HGSNAT: variants seen among roughly 807,000 people sequenced by gnomAD.
HGSNAT encodes heparan-alpha-glucosaminide N-acetyltransferase.
HGSNAT carries 59 observed loss-of-function variants against 85.2 expected under a neutral mutation model. That is an observed-to-expected ratio of 0.69 (90% confidence interval 0.56 to 0.86). The LOEUF is 0.86. HGSNAT is among the 40% of genes least tolerant of loss of function. The probability of loss-of-function intolerance (pLI) is 0.00; values close to 1 mark genes in which losing one functional copy is unlikely to be tolerated. For synonymous variants in HGSNAT, 321 were observed against 304.5 expected (o/e 1.05, Z -0.56); for missense variants, 756 against 777.1 (o/e 0.97, Z 0.32).
intron 11 of HGSNAT, 44 bp from the exon 12 acceptor site, chr8:43,191,430 T>C: frequency 6.3e-7 from 1 of 1,598,330 alleles, no homozygotes; most frequent in Non-Finnish European, 8.6e-7. Context: ...TCCCTTCTAT[T>C]TGCATTTAGT....
rs545919735 is a variant in HGSNAT, at chr8:43,141,288, A to AGCC, written c.118+696_118+698dup. ...CGTTTTCCCTCCAGGGTGACTGGGA[A>AGCC]GCCGCCGCCGCCGCCGCCGCCGCCT... On this transcript the variant is annotated intron_variant, in intron 1 of 17. Transcript: ENST00000379644. Among the ~76,000 whole-genome samples the AGCC allele has an allele frequency of 5.9e-3, 895 of 151,826 alleles. 13 individuals are homozygous for AGCC. In the East Asian group the frequency reaches 0.068, roughly 12 times the overall value.
Position 43,197,866 on chromosome 8 carries a change from G to A in HGSNAT, c.1640G>A (p.Ser547Asn), listed in dbSNP as rs1804778779. The A allele has an allele frequency of 6.2e-7, 1 of 1,613,918 alleles. No individual in the cohort carries two copies. Among genetic ancestry groups the A allele is most frequent in the South Asian group, 1.1e-5 (1 of 91,078 alleles). Residue 547 changes from serine to asparagine, a missense_variant, in exon 17 of 18, where the codon AGT (serine) becomes AAT (asparagine). By Grantham distance (46) the Ser-to-Asn change is conservative (BLOSUM62 1). Transcript: ENST00000379644. Reference protein sequence around the residue: ...LWSLSYVTTLSSFAFFILLVL... With the variant: ...LWSLSYVTTLNSFAFFILLVL... The stretch of plus-strand genomic sequence containing the variant: ...TCCCTTTCGTATGTCACTACGCTCA[G>A]TTCTTTTGCCTTCTTCATCCTGCTG...
intron 17 of HGSNAT, among the ~76,000 whole-genome samples, chr8:43,198,497 T>C (rs533787152): frequency 1.7e-3 from 263 of 152,100 alleles, no homozygotes; most frequent in East Asian, 5.1e-3. Flanking sequence ...CAGTGTTAGC[T>C]AGGATGGTCT....
intron 2 of HGSNAT, among the ~76,000 whole-genome samples, chr8:43,150,583 C>T (rs1156846417): frequency 1.3e-5 from 2 of 152,070 alleles, no homozygotes; most frequent in Non-Finnish European, 2.9e-5. Context: ...CCTGTAATCC[C>T]AGCACTCTGG....
chr8:43,141,919 A>G (rs1802563019), intron 1 of HGSNAT, among the ~76,000 whole-genome samples: 1 of 152,122 alleles, frequency 6.6e-6, no homozygotes, highest in Non-Finnish European at 1.5e-5. Context: ...TTTTAGAGAG[A>G]GGTGGTTTGT....
chr8:43,174,613 A>AT (rs199561900), intron 9 of HGSNAT, among the ~76,000 whole-genome samples: 3,621 of 152,078 alleles, frequency 0.024, 142 homozygotes, highest in African/African-American at 0.081. Context: ...TATTATTGTT[A>AT]TTTTTTATTT....
At chr8:43,191,214 C>T (rs1266318229) in intron 11 of HGSNAT, among the ~76,000 whole-genome samples, 1 of 152,126 alleles carries the variant, frequency 6.6e-6, no homozygotes, top group Admixed American at 6.6e-5. Context: ...TGTATGTGTA[C>T]AAGTTTTTGT....
intron 9 of HGSNAT, 121 bp downstream of exon 9, chr8:43,173,864 A>G: frequency 2.9e-6 from 3 of 1,037,056 alleles, no homozygotes; most frequent in Non-Finnish European, 4.3e-6. Context: ...AGTCCTTCCA[A>G]AAGTCCTGTT....
chr8:43,191,216 A>C (rs1196431751), intron 11 of HGSNAT, among the ~76,000 whole-genome samples: 1 of 152,168 alleles, frequency 6.6e-6, no homozygotes, highest in East Asian at 1.9e-4. Context: ...TATGTGTACA[A>C]GTTTTTGTGT....
chr8:43,158,525 C>G lies in HGSNAT; in HGVS notation c.235-50C>G, dbSNP rs1457058033. The G allele has an allele frequency of 1.9e-6, 3 of 1,607,108 alleles. No homozygotes were observed. The African/African-American group carries it at 4.0e-5, about 21-fold the overall frequency. ...GATATTTATGTCCTCCAGCAATCAA[C>G]AGATGTTGAAAAACCTCTGGCGGTT... On this transcript the variant is annotated intron_variant, in intron 2 of 17. Transcript: ENST00000379644.
intron 2 of HGSNAT, among the ~76,000 whole-genome samples, chr8:43,149,125 A>ATAAG (rs1425800358): frequency 6.6e-6 from 1 of 151,170 alleles, no homozygotes; most frequent in African/African-American, 2.4e-5. Context: ...CAAAAAATAA[A>ATAAG]TAAATAAATA....
At chr8:43,157,784 A>G (rs1161595431) in intron 2 of HGSNAT, among the ~76,000 whole-genome samples, 1 of 152,106 alleles carries the variant, frequency 6.6e-6, no homozygotes. Context: ...TCTCAAAACA[A>G]AAATAAAACA....
chr8:43,170,781 C>A, intron 7 of HGSNAT, 87 bp downstream of exon 7: 1 of 783,620 alleles, frequency 1.3e-6, no homozygotes, highest in Non-Finnish European at 2.0e-6. Context: ...CTTTTAAGGA[C>A]TTTTACATAT....
intron 1 of HGSNAT, 91 bp from the exon 2 acceptor site, chr8:43,146,857 G>T: frequency 1.4e-6 from 1 of 703,940 alleles, no homozygotes. Context: ...AGCACTACTG[G>T]AAGCAACTGT....
At chr8:43,194,355 A>C in intron 14 of HGSNAT, 1 of 969,454 alleles carries the variant, frequency 1.0e-6, no homozygotes, top group Non-Finnish European at 1.2e-6. Flanking sequence ...CCTTGATTGC[A>C]CCACTGCACT....
intron 2 of HGSNAT, among the ~76,000 whole-genome samples, chr8:43,155,632 A>G (rs1013715185): frequency 6.6e-6 from 1 of 152,096 alleles, no homozygotes; most frequent in Non-Finnish European, 1.5e-5. Context: ...TGCTTCTGTT[A>G]CCTATGCACC....
intron 2 of HGSNAT, among the ~76,000 whole-genome samples, chr8:43,153,434 C>A (rs992773983): frequency 1.3e-5 from 2 of 151,750 alleles, no homozygotes; most frequent in East Asian, 3.9e-4. Flanking sequence ...CTCAAGTGAT[C>A]CGCCCACCTC....
At chr8:43,171,143 T>C (rs575380104) in intron 7 of HGSNAT, among the ~76,000 whole-genome samples, 1 of 152,292 alleles carries the variant, frequency 6.6e-6, no homozygotes, top group East Asian at 1.9e-4. Context: ...AGCAAACCCA[T>C]AGCCCTGGTA....
chr8:43,173,602 C>A, intron 8 of HGSNAT, 111 bp from the exon 9 acceptor site: 4 of 1,174,858 alleles, frequency 3.4e-6, no homozygotes, highest in Non-Finnish European at 5.0e-6. Context: ...TGAGTCACTG[C>A]GCCTCCCCTG....
Sources: allele counts gnomAD v4.1 joint callset (sites outside exome capture counted in the v4.1 genomes callset), GRCh38; gene constraint gnomAD v4.1.1; transcripts MANE v1.5; gene names NCBI Gene and HGNC (gene_info 2026-07-23, HGNC 2026-07-21).